The following DDX31 variants were observed in gnomAD, a reference collection of about 807,000 sequenced individuals.
DDX31 encodes the protein ATP-dependent DNA helicase DDX31.
In DDX31, 70 loss-of-function variants were observed where a neutral mutation model predicts 91.3. The observed-to-expected ratio is 0.77, with a 90% CI of 0.63 to 0.94. The LOEUF is 0.94. Among genes scored for constraint, DDX31 ranks in the 40% least tolerant of loss-of-function variants. The pLI, the probability that DDX31 is intolerant of heterozygous loss-of-function variation, is 0.00. For synonymous variants in DDX31, 362 were observed against 350.6 expected (o/e 1.03, Z -0.36); for missense variants, 902 against 925.0 (o/e 0.98, Z 0.32).
At chr9:132,629,053 C>T (rs946093032) in intron 16 of DDX31, among the ~76,000 whole-genome samples, 7 of 152,206 alleles carry the variant, frequency 4.6e-5, no homozygotes, top group South Asian at 2.1e-4. Context: ...GTGTCAGCCT[C>T]GATGCTGAAA....
intron 3 of DDX31, 138 bp from the exon 4 acceptor site, chr9:132,661,389 T>C: frequency 1.3e-6 from 1 of 762,634 alleles, no homozygotes; most frequent in South Asian, 1.8e-5. Context: ...GGTGGTGCTC[T>C]CTACTTGGGG....
At chr9:132,606,187 T>C (rs1445946710) in intron 19 of DDX31, among the ~76,000 whole-genome samples, 1 of 152,224 alleles carries the variant, frequency 6.6e-6, no homozygotes, top group Non-Finnish European at 1.5e-5. Flanking sequence ...TTGGCCAATC[T>C]GTCTTTTTAC....
intron 1 of DDX31, chr9:132,663,102 G>T: frequency 1.8e-6 from 2 of 1,112,500 alleles, no homozygotes; most frequent in Non-Finnish European, 2.4e-6. Context: ...AGAAAAGAGG[G>T]GTGGGGGAAA....
intron 14 of DDX31, among the ~76,000 whole-genome samples, chr9:132,638,989 C>T (rs1347372359): frequency 6.6e-6 from 1 of 152,174 alleles, no homozygotes. Context: ...CACGATTCTT[C>T]TTTATCAAAA....
chr9:132,636,145 G>A (rs186212195), intron 14 of DDX31, among the ~76,000 whole-genome samples: 30 of 152,298 alleles, frequency 2.0e-4, no homozygotes, highest in Admixed American at 1.8e-3. Flanking sequence ...TTATAAGTGT[G>A]TAAGCAGAAG....
chr9:132,638,909 C>T (rs183343817), intron 14 of DDX31, among the ~76,000 whole-genome samples: 308 of 152,144 alleles, frequency 2.0e-3, no homozygotes, highest in African/African-American at 6.7e-3. Context: ...AAAAGGATCT[C>T]GGGATGATAA....
At chr9:132,620,444 T>C (rs1268945308) in intron 17 of DDX31, among the ~76,000 whole-genome samples, 1 of 148,746 alleles carries the variant, frequency 6.7e-6, no homozygotes, top group Non-Finnish European at 1.5e-5. Context: ...ATTACATATA[T>C]ATAATGTGAG....
At chr9:132,655,389 A>C (rs1295410792) in intron 6 of DDX31, among the ~76,000 whole-genome samples, 1 of 152,246 alleles carries the variant, frequency 6.6e-6, no homozygotes, top group African/African-American at 2.4e-5. Flanking sequence ...AACATCCTGC[A>C]TAACAAAGCA....
chr9:132,644,970 G>A (rs1833730368), intron 13 of DDX31, among the ~76,000 whole-genome samples: 1 of 152,126 alleles, frequency 6.6e-6, no homozygotes, highest in African/African-American at 2.4e-5. Flanking sequence ...AAACAAAAGA[G>A]CAAAAGCAAA....
chr9:132,652,946 C>T (rs1359686652), intron 6 of DDX31, among the ~76,000 whole-genome samples: 1 of 152,078 alleles, frequency 6.6e-6, no homozygotes, highest in African/African-American at 2.4e-5. Context: ...TTCCCAGTCT[C>T]GGGTATGTTT....
intron 14 of DDX31, among the ~76,000 whole-genome samples, chr9:132,632,653 A>T (rs1280032206): frequency 6.6e-6 from 1 of 152,012 alleles, no homozygotes; most frequent in Non-Finnish European, 1.5e-5. Context: ...GTGGGAGTGA[A>T]GTGCAAAGTA....
chr9:132,622,614 A>G (rs1832111701), intron 17 of DDX31, among the ~76,000 whole-genome samples: 2 of 152,224 alleles, frequency 1.3e-5, no homozygotes, highest in Non-Finnish European at 2.9e-5. Flanking sequence ...CCAGGCCCAG[A>G]AAGAGTATAC....
rs998962651 is a variant in DDX31 at position 132,654,471 on chromosome 9, G to T, written c.589-1979C>A. Among the ~76,000 whole-genome samples the T allele has an allele frequency of 1.3e-5, 2 of 152,004 alleles. 1 individual carries two copies. Among genetic ancestry groups the T allele is most frequent in the Non-Finnish European group, 2.9e-5 (2 of 68,012 alleles). ...ACAGAAATACAAAAAAAATTAGCCA[G>T]GCGTGGTGGTGCATGCCTGTAATCC... On this transcript the variant is annotated intron_variant, in intron 6 of 19. Transcript: ENST00000372159.
intron 3 of DDX31, among the ~76,000 whole-genome samples, chr9:132,661,735 C>T (rs1231751941): frequency 6.6e-6 from 1 of 152,158 alleles, no homozygotes; most frequent in African/African-American, 2.4e-5. Flanking sequence ...TCTTCTTACT[C>T]ATGAGTCTGG....
At chr9:132,644,898 C>T (rs954177310) in intron 13 of DDX31, among the ~76,000 whole-genome samples, 3 of 152,150 alleles carry the variant, frequency 2.0e-5, no homozygotes, top group East Asian at 1.9e-4. Context: ...GGCAAATAAC[C>T]GGTGTCCTTG....
intron 3 of DDX31, among the ~76,000 whole-genome samples, chr9:132,661,694 C>T (rs1834959501): frequency 6.6e-6 from 1 of 152,194 alleles, no homozygotes; most frequent in Admixed American, 6.5e-5. Flanking sequence ...GCAGAGGAAA[C>T]CAAGCCTGCC....
At chr9:132,638,399 C>G (rs549287434) in intron 14 of DDX31, 1 of 1,613,930 alleles carries the variant, frequency 6.2e-7, no homozygotes, top group East Asian at 2.2e-5. Flanking sequence ...TGCAGATAAT[C>G]CAGTGTCTGA....
intron 6 of DDX31, among the ~76,000 whole-genome samples, chr9:132,657,791 C>G (rs181619295): frequency 6.6e-6 from 1 of 152,136 alleles, no homozygotes; most frequent in East Asian, 1.9e-4. Context: ...AAGCCTCTGC[C>G]CACGGATCAC....
chr9:132,654,612 CAAACAAAACAAAACA>C (rs762810467), intron 6 of DDX31, among the ~76,000 whole-genome samples: 1 of 151,682 alleles, frequency 6.6e-6, no homozygotes, highest in Non-Finnish European at 1.5e-5. Flanking sequence ...GACTTCATCT[CAAACAAAACAAAACA>C]AAACAAAACA....
Sources: allele counts gnomAD v4.1 joint callset (sites outside exome capture counted in the v4.1 genomes callset), GRCh38; gene constraint gnomAD v4.1.1; transcripts MANE v1.5; gene names NCBI Gene and HGNC (gene_info 2026-07-23, HGNC 2026-07-21).